The following RNF175 variants were observed in gnomAD, a reference collection of about 807,000 sequenced individuals.
RNF175 encodes ring finger protein 175.
A neutral mutation model predicts 50.0 loss-of-function variants in RNF175; 38 were observed. The ratio of observed to expected loss-of-function variants is 0.76; its 90% confidence interval spans 0.59 to 1.00. The LOEUF (loss-of-function observed/expected upper bound fraction) is 1.00, where lower values mean the gene tolerates loss of function less well. Among genes scored for constraint, RNF175 ranks in the 50% least tolerant of loss-of-function variants. The probability of loss-of-function intolerance (pLI) is 0.00; values close to 1 mark genes in which losing one functional copy is unlikely to be tolerated. For missense variants in RNF175, 388 were observed against 409.6 expected, an observed-to-expected ratio of 0.95 and a Z score of 0.46; for synonymous variants, 155 against 146.1, an observed-to-expected ratio of 1.06 and a Z score of -0.44.
intron 2 of RNF175, 74 bp downstream of exon 2, chr4:153,751,360 CTTCA>C: frequency 1.9e-6 from 2 of 1,029,124 alleles, no homozygotes. Flanking sequence ...AAAATGATGA[CTTCA>C]TTCATTTTCT....
At chr4:153,750,840 T>C (rs1477030128) in intron 2 of RNF175, among the ~76,000 whole-genome samples, 1 of 134,282 alleles carries the variant, frequency 7.4e-6, no homozygotes, top group Non-Finnish European at 1.8e-5. Flanking sequence ...ATCATCAGTC[T>C]AAAATAGGAT....
At chr4:153,759,724 G>T in intron 1 of RNF175, 73 bp downstream of exon 1, 2 of 1,047,382 alleles carry the variant, frequency 1.9e-6, no homozygotes, top group Non-Finnish European at 2.6e-6. Flanking sequence ...AGTCTGTGCA[G>T]CCTGCCCGGC....
chr4:153,720,397 G>T lies in RNF175; in HGVS notation c.510-93C>A, dbSNP rs1579042923. 7.3e-6 allele frequency: 7 copies of T among 960,102 alleles called. No individual in the cohort carries two copies. The East Asian group carries it at 1.2e-4, about 17-fold the overall frequency. The allele number at this position is 960,102 out of a possible 1,614,324, so 59.5% of individuals were successfully genotyped here. A position where few individuals can be genotyped will look rare whatever the true frequency, so the allele number is the denominator to read the frequency against. On this transcript the variant is annotated intron_variant, in intron 5 of 8. Transcript: ENST00000347063. Reference sequence around the variant, plus strand: ...TATTTCCTGTTGATGGTATCTAAGAGAACCTTGTGGGTATTTTTTTTTTCA... The same window carrying T: ...TATTTCCTGTTGATGGTATCTAAGATAACCTTGTGGGTATTTTTTTTTTCA...
chr4:153,735,409 C>T (rs927118530), intron 3 of RNF175, among the ~76,000 whole-genome samples: 6 of 152,136 alleles, frequency 3.9e-5, no homozygotes, highest in Admixed American at 3.3e-4. Context: ...TTCACCAGTA[C>T]CATGCTATAT....
chr4:153,740,743 T>C (rs1211437408), intron 3 of RNF175, among the ~76,000 whole-genome samples: 1 of 152,216 alleles, frequency 6.6e-6, no homozygotes, highest in Non-Finnish European at 1.5e-5. Context: ...TGGTTCTTTG[T>C]CTCTTCAGAC....
In RNF175 at chr4:153,755,662, A is replaced by AC. The variant is rs754770018; in HGVS notation, c.66+4134dup. Among the ~76,000 whole-genome samples, 540 of 117,752 alleles carry AC rather than the reference A, an allele frequency of 4.6e-3. 2 individuals are homozygous for AC. Among genetic ancestry groups the AC allele is most frequent in the East Asian group, 9.5e-3 (34 of 3,584 alleles). The allele number at this position is 117,752 out of a possible 152,430, so 77.2% of individuals were successfully genotyped here. A position where few individuals can be genotyped will look rare whatever the true frequency, so the allele number is the denominator to read the frequency against. ...GCTAGGAAATCTCCTCACATCCCCC[A>AC]CCCCCGCAAAAAAAATGAGTTCTAG... On this transcript the variant is annotated intron_variant, in intron 1 of 8. Coordinates refer to ENST00000347063, the MANE Select transcript of RNF175 (RefSeq NM_173662.4).
chr4:153,758,774 T>TAA (rs879870299), intron 1 of RNF175, among the ~76,000 whole-genome samples: 3 of 144,298 alleles, frequency 2.1e-5, no homozygotes, highest in East Asian at 2.0e-4. Flanking sequence ...ATCCCAATAT[T>TAA]AAAAAAAAAA....
intron 3 of RNF175, among the ~76,000 whole-genome samples, chr4:153,743,873 A>G (rs967602178): frequency 3.3e-5 from 5 of 152,182 alleles, no homozygotes; most frequent in Non-Finnish European, 7.4e-5. Flanking sequence ...GCTAACTAAC[A>G]GAGGTCAGGG....
intron 3 of RNF175, among the ~76,000 whole-genome samples, chr4:153,733,685 C>G (rs1003488170): frequency 6.6e-6 from 1 of 152,186 alleles, no homozygotes; most frequent in Non-Finnish European, 1.5e-5. Context: ...TCCCCTTGCA[C>G]AGTCTGCATT....
intron 5 of RNF175, 37 bp downstream of exon 5, chr4:153,723,314 G>A (rs1738466214): frequency 3.9e-6 from 4 of 1,033,476 alleles, no homozygotes; most frequent in Non-Finnish European, 6.0e-6. Flanking sequence ...CCAAGCAAGT[G>A]CTTGGAGATA....
In RNF175 at chr4:153,718,230, G is replaced by GTTTTTTTTTTT. The variant is rs1272804247; in HGVS notation, c.630+1953_630+1954insAAAAAAAAAAA. Among the ~76,000 whole-genome samples the GTTTTTTTTTTT allele has an allele frequency of 2.5e-4, 8 of 31,844 alleles. 1 individual carries two copies. Among genetic ancestry groups the GTTTTTTTTTTT allele is most frequent in the East Asian group, 1.5e-3 (1 of 646 alleles). The allele number at this position is 31,844 out of a possible 152,430, so 20.9% of individuals were successfully genotyped here. ...AGGAGTTTTTTTTGTTTGTTTGTTT[G>GTTTTTTTTTTT]TTTGTTTGTTTTTTTTTTTTTTGAA... is the stretch of plus-strand genomic sequence containing the variant. On this transcript the variant is annotated intron_variant, in intron 6 of 8. Coordinates refer to ENST00000347063, the MANE Select transcript of RNF175 (RefSeq NM_173662.4).
chr4:153,757,338 A>G lies in RNF175; in HGVS notation c.66+2459T>C, dbSNP rs372139056. On this transcript the variant is annotated intron_variant, in intron 1 of 8. Coordinates refer to ENST00000347063, the MANE Select transcript of RNF175 (RefSeq NM_173662.4). ...TCATGTCTGGTGCATGGCACACTCAATGTGTTTGGAGACTGCCACCCCGAT... is the reference window on the plus strand; with the variant it reads ...TCATGTCTGGTGCATGGCACACTCAGTGTGTTTGGAGACTGCCACCCCGAT... Among the ~76,000 whole-genome samples the G allele has an allele frequency of 2.0e-4, 31 of 152,236 alleles. No homozygotes were observed. The East Asian group carries it at 3.3e-3, about 16-fold the overall frequency.
intron 3 of RNF175, among the ~76,000 whole-genome samples, chr4:153,735,585 TTGTGTTTAATCTATAGA>T (rs1560785058): frequency 6.6e-6 from 1 of 152,192 alleles, no homozygotes; most frequent in African/African-American, 2.4e-5. Flanking sequence ...TTAGTTGAGA[TTGTGTTTAATCTATAGA>T]TCTATAGATC....
chr4:153,729,557 A>C (rs928931825), intron 3 of RNF175: 1 of 432,374 alleles, frequency 2.3e-6, no homozygotes, highest in South Asian at 9.8e-5. Context: ...CTTGGTGATA[A>C]TAGTCTAAGG....
chr4:153,756,648 CCAGCCACTG>C (rs1740581102), intron 1 of RNF175, among the ~76,000 whole-genome samples: 1 of 152,182 alleles, frequency 6.6e-6, no homozygotes, highest in Non-Finnish European at 1.5e-5. Context: ...CTCCCATGTG[CCAGCCACTG>C]GGTTAAGAGC....
At chr4:153,720,389 A>G (rs528738362) in intron 5 of RNF175, 85 bp from the exon 6 acceptor site, 1 of 1,100,996 alleles carries the variant, frequency 9.1e-7, no homozygotes. Flanking sequence ...TGTTGATGGT[A>G]TCTAAGAGAA....
chr4:153,731,657 GAGAA>G (rs572268094), intron 3 of RNF175, among the ~76,000 whole-genome samples: 200 of 144,044 alleles, frequency 1.4e-3, no homozygotes, highest in African/African-American at 4.5e-3. Context: ...AAGAAGGAAA[GAGAA>G]AGAAAGAGAG....
intron 7 of RNF175, chr4:153,714,847 G>A (rs1478045425): frequency 1.9e-5 from 3 of 155,334 alleles, no homozygotes; most frequent in Non-Finnish European, 4.3e-5. Context: ...CCTATCATAT[G>A]AAGATCCCTC....
rs985725834 is a variant in RNF175, at chr4:153,724,280, A to T, written c.402-822T>A. 2.6e-5 allele frequency among the ~76,000 whole-genome samples: 4 copies of T among 152,304 alleles called. No individual in the cohort carries two copies. In the East Asian group the frequency reaches 7.7e-4, roughly 29 times the overall value. On this transcript the variant is annotated intron_variant, in intron 4 of 8. Transcript: ENST00000347063. ...TGTGACCAGCTTCATGTCTAGGAGG[A>T]TGGGGGAAGAGGTTGGGAGCCCAGT...
Sources: gnomAD v4.1 joint callset for allele counts (sites outside exome capture counted in the v4.1 genomes callset) on GRCh38, gnomAD v4.1.1 for gene constraint, MANE v1.5 for transcripts, NCBI Gene and HGNC (gene_info 2026-07-23, HGNC 2026-07-21) for gene names.